The following DNAJC17 variants were observed in gnomAD, a reference collection of about 807,000 sequenced individuals.
DNAJC17 encodes dnaJ homolog subfamily C member 17.
Under a neutral mutation model 48.1 loss-of-function variants are expected in DNAJC17, and 35 were observed. The ratio of observed to expected loss-of-function variants is 0.73; its 90% CI spans 0.56 to 0.96. DNAJC17 has a LOEUF of 0.96. Ranked by LOEUF, DNAJC17 falls within the 50% of genes least tolerant of loss-of-function variation. The pLI, the probability that DNAJC17 is intolerant of heterozygous loss-of-function variation, is 0.00. For synonymous variants in DNAJC17, 117 were observed against 142.7 expected (o/e 0.82, Z 1.28); for missense variants, 355 against 377.1 (o/e 0.94, Z 0.48).
At position 40,770,965 on chromosome 15, in the gene DNAJC17, T is replaced by C. The variant is rs779038030; in HGVS notation, c.792+2762A>G. 17 of 1,551,346 alleles carry C rather than the reference T, an allele frequency of 1.1e-5. No homozygotes were observed. The South Asian group carries it at 2.0e-4, about 18-fold the overall frequency. Reference sequence around the variant, plus strand: ...TTCAAAGTGGACCTGGGGATTTCACTTCTTGAGGAAGTTCTGCAGATGCTA... The same window carrying C: ...TTCAAAGTGGACCTGGGGATTTCACCTCTTGAGGAAGTTCTGCAGATGCTA... On this transcript the variant is annotated intron_variant, in intron 10 of 10. Coordinates refer to ENST00000220496, the MANE Select transcript of DNAJC17 (RefSeq NM_018163.3). This position sits in a 1 kb window ranked among gnomAD's most constrained non-coding sequence, Gnocchi z 5.0.
Position 40,770,636 on chromosome 15 carries a change from C to G in DNAJC17, c.793-2574G>C. On this transcript the variant is annotated intron_variant, in intron 10 of 10. Transcript: ENST00000220496. The surrounding 1 kb of genome is among the most constrained non-coding windows in gnomAD (Gnocchi z 5.0). ...CAGGTGGGGACCACGAGGAGTACAG[C>G]AACCGAGAAGTCATCCGGGAGCTAC... 1 of 1,550,402 alleles carries G rather than the reference C, an allele frequency of 6.4e-7. No homozygotes were observed. Among genetic ancestry groups the G allele is most frequent in the Non-Finnish European group, 8.7e-7 (1 of 1,146,968 alleles).
chr15:40,779,577 C>T lies in DNAJC17; in HGVS notation c.175G>A (p.Ala59Thr). 6.2e-7 allele frequency: 1 copy of T among 1,614,040 alleles called. No homozygotes were observed. Among genetic ancestry groups the T allele is most frequent in the Non-Finnish European group, 8.5e-7 (1 of 1,179,998 alleles). Residue 59 changes from alanine to threonine, a missense_variant, in exon 3 of 11, where the codon GCC (alanine) becomes ACC (threonine). Ala to Thr is a moderately conservative substitution (Grantham distance 58, BLOSUM62 0). Coordinates refer to ENST00000220496, the MANE Select transcript of DNAJC17 (RefSeq NM_018163.3). The part of the protein sequence containing the change: ...AAELFHQLSQ[A>T]LEVLTDAAAR... ...GCAGCATCGGTCAGCACCTCCAAGGCCTGAGAAAGCTGGTGGAAGAGTTCA... is the reference window on the plus strand; with the variant it reads ...GCAGCATCGGTCAGCACCTCCAAGGTCTGAGAAAGCTGGTGGAAGAGTTCA...
chr15:40,777,281 CT>C (rs1162001252), intron 4 of DNAJC17, among the ~76,000 whole-genome samples: 2,035 of 131,538 alleles, frequency 0.015, 34 homozygotes, highest in African/African-American at 0.047. Flanking sequence ...CTCTCTCTCT[CT>C]TTTTTTTTTT....
intron 1 of DNAJC17, among the ~76,000 whole-genome samples, chr15:40,791,642 C>T (rs746717811): frequency 6.6e-6 from 1 of 150,894 alleles, no homozygotes; most frequent in South Asian, 2.1e-4. Context: ...GTCAGGAGTT[C>T]GACACTAGCC....
chr15:40,777,374 A>T (rs1480216360), intron 4 of DNAJC17, among the ~76,000 whole-genome samples: 3 of 151,540 alleles, frequency 2.0e-5, no homozygotes, highest in Middle Eastern at 3.4e-3. Flanking sequence ...GCACATATTA[A>T]AATATATGGA....
chr15:40,800,759 G>A (rs1890055866), intron 1 of DNAJC17, among the ~76,000 whole-genome samples: 1 of 151,286 alleles, frequency 6.6e-6, no homozygotes, highest in Non-Finnish European at 1.5e-5. Flanking sequence ...AGGAGTTCAA[G>A]ACCAGCCAGG....
In DNAJC17 at chr15:40,767,896, G is replaced by T; in HGVS notation, c.*44C>A. 3 of 1,592,010 alleles carry T rather than the reference G, an allele frequency of 1.9e-6. No homozygotes were observed. Among genetic ancestry groups the T allele is most frequent in the Non-Finnish European group, 2.6e-6 (3 of 1,174,186 alleles). The stretch of plus-strand genomic sequence containing the variant: ...TTAAAAAAAAAAAAAATTTATTGGT[G>T]ACGTTGAAGAAAAGGGCTGAGGGGT... On this transcript the variant is annotated 3_prime_UTR_variant, in exon 11 of 11. Transcript: ENST00000220496.
Position 40,776,604 on chromosome 15 carries a change from C to G in DNAJC17, c.319G>C (p.Ala107Pro). 6.2e-7 allele frequency: 1 copy of G among 1,613,980 alleles called. No individual in the cohort carries two copies. The highest frequency in any genetic ancestry group is 8.5e-7 in the Non-Finnish European group (1 of 1,179,986). Residue 107 changes from alanine (A) to proline (P), a missense_variant, in exon 5 of 11, where the codon GCC becomes CCC. Transcript: ENST00000220496. ...TCCTCCTCACTCTCCTGGGCCTGGG[C>G]CTGCCGCTCCCGGGCCTCCAGGTCT... ...KLDLEARERQ[A>P]QAQESEEEEE...
At chr15:40,792,562 C>G in intron 1 of DNAJC17, 1 of 982,712 alleles carries the variant, frequency 1.0e-6, no homozygotes, top group Non-Finnish European at 1.2e-6. Context: ...TGCCTGTAAT[C>G]CTGGCACTTT....
At position 40,774,450 on chromosome 15, in the gene DNAJC17, G is replaced by C. The variant is rs1404060550; in HGVS notation, c.601-14C>G. The C allele has an allele frequency of 1.9e-6, 3 of 1,613,694 alleles. No homozygotes were observed. The highest frequency in any genetic ancestry group is 1.1e-5 in the South Asian group (1 of 91,058). On this transcript the variant is annotated splice_polypyrimidine_tract_variant and intron_variant, in intron 8 of 10. Transcript: ENST00000220496. ...AACCTCACCATACTGTGGGGACAAA[G>C]GGGTCCTAATAAGCATGACTTGGCC...
rs767475648 is a variant in DNAJC17, at chr15:40,774,453, G to A, written c.601-17C>T. The A allele has an allele frequency of 1.9e-6, 3 of 1,613,594 alleles. No individual in the cohort carries two copies. The highest frequency in any genetic ancestry group is 1.7e-5 in the Admixed American group (1 of 60,006). ...CTCACCATACTGTGGGGACAAAGGG[G>A]TCCTAATAAGCATGACTTGGCCTTC... On this transcript the variant is annotated splice_polypyrimidine_tract_variant and intron_variant, in intron 8 of 10. Transcript: ENST00000220496.
chr15:40,776,237 A>G lies in DNAJC17; in HGVS notation c.437T>C (p.Ile146Thr). 1 of 1,614,018 alleles carries G rather than the reference A, an allele frequency of 6.2e-7. No individual in the cohort carries two copies. Among genetic ancestry groups the G allele is most frequent in the Non-Finnish European group, 8.5e-7 (1 of 1,179,994 alleles). ...SRQLEEQQRL[I>T]REQIRQERDQ... ...ACGCTCCTGGCGTATCTGCTCCCGG[A>G]TGAGCCTCTGCTGTTCCTCCAGCTG... Residue 146 changes from isoleucine to threonine, a missense_variant, in exon 6 of 11, where the codon ATC (isoleucine) becomes ACC (threonine). Transcript: ENST00000220496.
At chr15:40,789,501 C>T (rs146019535) in intron 1 of DNAJC17, among the ~76,000 whole-genome samples, 12 of 152,128 alleles carry the variant, frequency 7.9e-5, no homozygotes, top group African/African-American at 2.7e-4. Flanking sequence ...TCCTAACCAC[C>T]GCTATATTAG....
chr15:40,797,281 G>A (rs529847529), intron 1 of DNAJC17, among the ~76,000 whole-genome samples: 9 of 152,144 alleles, frequency 5.9e-5, no homozygotes, highest in Non-Finnish European at 1.2e-4. Flanking sequence ...GAAGTGGGAC[G>A]ACTGCTTGGG....
At chr15:40,788,575 A>G (rs931183477) in intron 1 of DNAJC17, among the ~76,000 whole-genome samples, 1 of 152,198 alleles carries the variant, frequency 6.6e-6, no homozygotes, top group East Asian at 1.9e-4. Context: ...GGGCGCCTGT[A>G]GTCCCAGCTA....
chr15:40,797,417 CTTT>C (rs869145933), intron 1 of DNAJC17, among the ~76,000 whole-genome samples: 3 of 143,692 alleles, frequency 2.1e-5, no homozygotes, highest in African/African-American at 5.1e-5. Context: ...AGATTTCTTT[CTTT>C]TTTTTTTTTT....
intron 1 of DNAJC17, among the ~76,000 whole-genome samples, chr15:40,802,669 ACATCAGGG>A (rs368448056): frequency 8.3e-4 from 127 of 152,224 alleles, no homozygotes; most frequent in Non-Finnish European, 1.2e-3. Context: ...CCTGAGCTGG[ACATCAGGG>A]CATCAGGGCA....
chr15:40,784,782 C>T (rs969422557), intron 1 of DNAJC17, among the ~76,000 whole-genome samples: 1 of 152,062 alleles, frequency 6.6e-6, no homozygotes, highest in Non-Finnish European at 1.5e-5. Context: ...TCATCCCCAA[C>T]AGATGGAAAT....
chr15:40,802,414 C>G (rs541962492), intron 1 of DNAJC17, among the ~76,000 whole-genome samples: 2 of 152,274 alleles, frequency 1.3e-5, no homozygotes, highest in East Asian at 1.9e-4. Context: ...GGTGATCTGC[C>G]TGCCTGGGCC....
Sources: gnomAD v4.1 joint callset for allele counts (sites outside exome capture counted in the v4.1 genomes callset) on GRCh38, gnomAD v4.1.1 for gene constraint, Gnocchi (gnomAD v3.1) non-coding constraint, MANE v1.5 for transcripts, NCBI Gene and HGNC (gene_info 2026-07-23, HGNC 2026-07-21) for gene names.